The following GOLGA8M variants were observed in gnomAD, a reference collection of about 807,000 sequenced individuals.
The protein encoded by GOLGA8M is golgin A8 family member M, also known as golgin subfamily A member 8M.
In GOLGA8M, 34 loss-of-function variants were observed where a neutral mutation model predicts 87.7. That is an observed-to-expected ratio of 0.39 (90% CI 0.29 to 0.52). The LOEUF is 0.52. GOLGA8M is among the 20% of genes least tolerant of loss of function. GOLGA8M has a pLI of 0.80. For synonymous variants in GOLGA8M, 138 were observed against 250.2 expected (o/e 0.55, Z 4.23); for missense variants, 396 against 682.2 (o/e 0.58, Z 4.67).
chr15:28,698,880 T>C lies in GOLGA8M; in HGVS notation c.*3074A>G, dbSNP rs1214927607. Among the ~76,000 whole-genome samples, 1 of 142,992 alleles carries C rather than the reference T, an allele frequency of 7.0e-6. No individual in the cohort carries two copies. The highest frequency in any genetic ancestry group is 1.5e-5 in the Non-Finnish European group (1 of 67,680). 93.8% of individuals were successfully genotyped at this position (142,992 alleles called of 152,430 possible). Reference sequence around the variant, plus strand: ...TTTCCATTACACATTCTGTTTATAATAATTCATAAACTGGTAAAATTCATT... The same window carrying C: ...TTTCCATTACACATTCTGTTTATAACAATTCATAAACTGGTAAAATTCATT... On this transcript the variant is annotated 3_prime_UTR_variant, in exon 19 of 19. Transcript: ENST00000563027.
rs1369504451 is a variant in GOLGA8M at position 28,699,439 on chromosome 15, T to C, written c.*2515A>G. ...GTATCGCAAAAGACTGCATGCACTTTGGAGAAAGACTTGAGTTATTGTCAT... is the reference window on the plus strand; with the variant it reads ...GTATCGCAAAAGACTGCATGCACTTCGGAGAAAGACTTGAGTTATTGTCAT... On this transcript the variant is annotated 3_prime_UTR_variant, in exon 19 of 19. Coordinates refer to ENST00000563027, the MANE Select transcript of GOLGA8M (RefSeq NM_001282468.3). Among the ~76,000 whole-genome samples, 2 of 144,866 alleles carry C rather than the reference T, an allele frequency of 1.4e-5. 1 individual carries two copies. The highest frequency in any genetic ancestry group is 5.2e-5 in the African/African-American group (2 of 38,646).
Position 28,701,214 on chromosome 15 carries a change from A to C in GOLGA8M, c.*740T>G, listed in dbSNP as rs2079777033. Among the ~76,000 whole-genome samples, 1 of 151,924 alleles carries C rather than the reference A, an allele frequency of 6.6e-6. No homozygotes were observed. Among genetic ancestry groups the C allele is most frequent in the Admixed American group, 6.6e-5 (1 of 15,260 alleles). On this transcript the variant is annotated 3_prime_UTR_variant, in exon 19 of 19. Coordinates refer to ENST00000563027, the MANE Select transcript of GOLGA8M (RefSeq NM_001282468.3). ...TCTTCATGAGCCCAGAGCACATACA[A>C]ATCCTAAGGGCACCACCATAATACA...
intron 13 of GOLGA8M, among the ~76,000 whole-genome samples, chr15:28,704,596 A>C (rs1298262835): frequency 6.7e-6 from 1 of 148,300 alleles, no homozygotes; most frequent in Non-Finnish European, 1.5e-5. Flanking sequence ...TTTTGTTTTC[A>C]GACAAGAGTG....
chr15:28,712,639 G>A (rs912728101), upstream of GOLGA8M, among the ~76,000 whole-genome samples: 1 of 151,472 alleles, frequency 6.6e-6, no homozygotes, highest in African/African-American at 2.4e-5. Context: ...CACTCTGGAA[G>A]AGAAGAGGGG....
Position 28,702,535 on chromosome 15 carries a change from T to C in GOLGA8M, c.1497A>G (p.Pro499=), listed in dbSNP as rs1307889366. The C allele has an allele frequency of 1.2e-5, 19 of 1,602,212 alleles. No homozygotes were observed. Among genetic ancestry groups the C allele is most frequent in the Non-Finnish European group, 1.6e-5 (19 of 1,179,358 alleles). ...GTGCCGCATCTTTGGCACGGCCCCCTGGTTCTGATAAAAGGTGATGGATTT... is the reference window on the plus strand; with the variant it reads ...GTGCCGCATCTTTGGCACGGCCCCCCGGTTCTGATAAAAGGTGATGGATTT... ...HQKIHHLLSE[P]GGRAKDAALG... The change falls in exon 17 of 19, where the codon CCA becomes CCG. Residue 499 remains proline, a synonymous_variant. Transcript: ENST00000563027.
Position 28,707,798 on chromosome 15 carries a change from C to T in GOLGA8M, c.541G>A (p.Glu181Lys), listed in dbSNP as rs1345785026. The change falls in exon 8 of 19, where the codon GAG (glutamate) becomes AAG (lysine). Residue 181 changes from glutamate to lysine, a missense_variant. By Grantham distance (56) the Glu-to-Lys change is moderately conservative (BLOSUM62 1). Coordinates refer to ENST00000563027, the MANE Select transcript of GOLGA8M (RefSeq NM_001282468.3). ...GCCATGACATCAGAGAGAACACTCTCTAACTCTCCTTTACGCTGCAATGAA... is the reference window on the plus strand; with the variant it reads ...GCCATGACATCAGAGAGAACACTCTTTAACTCTCCTTTACGCTGCAATGAA... ...QHSLQRKGEL[E>K]SVLSDVMATQ... 2 of 1,575,264 alleles carry T rather than the reference C, an allele frequency of 1.3e-6. No individual in the cohort carries two copies. The highest frequency in any genetic ancestry group is 1.7e-6 in the Non-Finnish European group (2 of 1,172,182).
At position 28,700,910 on chromosome 15, in the gene GOLGA8M, C is replaced by G. The variant is rs1213762079; in HGVS notation, c.*1044G>C. On this transcript the variant is annotated 3_prime_UTR_variant, in exon 19 of 19. Coordinates refer to ENST00000563027, the MANE Select transcript of GOLGA8M (RefSeq NM_001282468.3). ...CTTGACTAGAGCCTGTATGCCTGTT[C>G]CAGGGACGTTTGAACTCATAAAGGA... Among the ~76,000 whole-genome samples the G allele has an allele frequency of 1.3e-5, 2 of 152,004 alleles. No individual in the cohort carries two copies. The highest frequency in any genetic ancestry group is 2.9e-5 in the Non-Finnish European group (2 of 68,008).
intron 13 of GOLGA8M, among the ~76,000 whole-genome samples, 179 bp from the exon 14 acceptor site, chr15:28,704,096 T>G (rs1318723108): frequency 3.4e-5 from 5 of 147,690 alleles, no homozygotes; most frequent in Non-Finnish European, 5.9e-5. Flanking sequence ...TCTGCTGCAG[T>G]CACTGCCTGT....
rs1470370456 is a variant in GOLGA8M at position 28,706,990 on chromosome 15, A to G, written c.592-291T>C. Among the ~76,000 whole-genome samples, 2 of 142,768 alleles carry G rather than the reference A, an allele frequency of 1.4e-5. 1 individual carries two copies. The highest frequency in any genetic ancestry group is 6.7e-4 in the East Asian group (2 of 2,988). 93.7% of individuals were successfully genotyped at this position (142,768 alleles called of 152,430 possible). A position where few individuals can be genotyped will look rare whatever the true frequency, so the allele number is the denominator to read the frequency against. ...ACCTTTGTGGAATGCTTCACCAGAT[A>G]CCATGCTAACAATCCCATTTAATCC... On this transcript the variant is annotated intron_variant, in intron 8 of 18. Transcript: ENST00000563027.
At position 28,702,930 on chromosome 15, in the gene GOLGA8M, T is replaced by C. The variant is rs201776258; in HGVS notation, c.1369-185A>G. 8.9e-5 allele frequency: 87 copies of C among 975,062 alleles called. 3 individuals are homozygous for C. The highest frequency in any genetic ancestry group is 2.7e-4 in the East Asian group (2 of 7,516). The allele number at this position is 975,062 out of a possible 1,614,324, so 60.4% of individuals were successfully genotyped here. A position where few individuals can be genotyped will look rare whatever the true frequency, so the allele number is the denominator to read the frequency against. On this transcript the variant is annotated intron_variant, in intron 15 of 18. Coordinates refer to ENST00000563027, the MANE Select transcript of GOLGA8M (RefSeq NM_001282468.3). ...GCCCTGGGGCTGCAGGGCCTCTGGC[T>C]GCCTCTGGCTCCTTCTGGGCCGAGG...
chr15:28,703,989 A>G (rs2079920560), intron 13 of GOLGA8M, 72 bp from the exon 14 acceptor site: 1 of 1,584,118 alleles, frequency 6.3e-7, no homozygotes, highest in African/African-American at 1.3e-5. Flanking sequence ...CATCCTCCGC[A>G]GCTCCCTCCC....
chr15:28,713,066 G>T (rs1252431835), upstream of GOLGA8M, among the ~76,000 whole-genome samples: 4 of 151,788 alleles, frequency 2.6e-5, no homozygotes, highest in African/African-American at 9.7e-5. Context: ...TGGGCCGGGT[G>T]CAGTGGCTCA....
chr15:28,711,742 G>C (rs1289346949), intron 1 of GOLGA8M: 1 of 985,096 alleles, frequency 1.0e-6, no homozygotes, highest in Non-Finnish European at 1.2e-6. Context: ...TCCTGGTCGG[G>C]GGGAGGGACC....
intron 8 of GOLGA8M, 66 bp downstream of exon 8, chr15:28,707,682 C>T (rs1196635733): frequency 3.7e-5 from 55 of 1,496,114 alleles, no homozygotes; most frequent in Non-Finnish European, 4.8e-5. Context: ...CAGAAGGGAC[C>T]TTTAGGCTCA....
chr15:28,711,661 A>C (rs894748235), intron 1 of GOLGA8M: 1 of 984,432 alleles, frequency 1.0e-6, no homozygotes, highest in African/African-American at 1.8e-5. Context: ...GGACTGGGTC[A>C]TAAGATCAAA....
Position 28,702,465 on chromosome 15 carries a change from C to T in GOLGA8M, c.1567G>A (p.Gly523Ser), listed in dbSNP as rs1433657548. ...CCCACAGAGATGTTGCACACCCTAC[C>T]TTCATCTCCTCCCTGAGCTCCAGCC... ...HQAGAQGGDE[G>S]EAAGAAADGI... Residue 523 changes from glycine to serine, a missense_variant and splice_region_variant, in exon 17 of 19, where the codon GGT (glycine) becomes AGT (serine). By Grantham distance (56) the Gly-to-Ser change is moderately conservative. Transcript: ENST00000563027. 1.9e-6 allele frequency: 3 copies of T among 1,539,036 alleles called. No homozygotes were observed. Among genetic ancestry groups the T allele is most frequent in the Admixed American group, 3.6e-5 (2 of 55,166 alleles).
Position 28,699,524 on chromosome 15 carries a change from G to T in GOLGA8M, c.*2430C>A, listed in dbSNP as rs1470176233. On this transcript the variant is annotated 3_prime_UTR_variant, in exon 19 of 19. Coordinates refer to ENST00000563027, the MANE Select transcript of GOLGA8M (RefSeq NM_001282468.3). Reference sequence around the variant, plus strand: ...TATGACAAATACCTATACAAAGAGTGGTATTTCAGTCAATATAGTAAATTT... The same window carrying T: ...TATGACAAATACCTATACAAAGAGTTGTATTTCAGTCAATATAGTAAATTT... Among the ~76,000 whole-genome samples, 1 of 143,090 alleles carries T rather than the reference G, an allele frequency of 7.0e-6. No individual in the cohort carries two copies. The highest frequency in any genetic ancestry group is 1.5e-5 in the Non-Finnish European group (1 of 67,606). 93.9% of individuals were successfully genotyped at this position (143,090 alleles called of 152,430 possible). A position where few individuals can be genotyped will look rare whatever the true frequency, so the allele number is the denominator to read the frequency against.
chr15:28,702,716 C>G lies in GOLGA8M; in HGVS notation c.1398G>C (p.Lys466Asn). The G allele has an allele frequency of 1.9e-6, 3 of 1,602,400 alleles. No individual in the cohort carries two copies. The highest frequency in any genetic ancestry group is 2.5e-6 in the Non-Finnish European group (3 of 1,179,654). The change falls in exon 16 of 19, where the codon AAG (lysine) becomes AAC (asparagine). Residue 466 changes from lysine to asparagine, a missense_variant. Around this residue, in one of 12 missense-constraint regions of GOLGA8M, gnomAD observed 173 missense variants for 150.2 expected, o/e 1.15. Transcript: ENST00000563027. The stretch of plus-strand genomic sequence containing the variant: ...TCTTCACAAGCTCACTCAGGTCTGC[C>G]TTCTCCTCCAGGTGGTCCATAAAGC... ...MSSFMDHLEE[K>N]ADLSELVKKQ...
chr15:28,703,944 G>A, intron 13 of GOLGA8M, 27 bp from the exon 14 acceptor site: 4 of 1,592,278 alleles, frequency 2.5e-6, no homozygotes, highest in Non-Finnish European at 3.4e-6. Context: ...GAGTGAGAAG[G>A]GATGGAGTTT....
Sources: gnomAD v4.1 joint callset for allele counts (sites outside exome capture counted in the v4.1 genomes callset) on GRCh38, gnomAD v4.1.1 for gene constraint, gnomAD v4.1.1 regional missense constraint, MANE v1.5 for transcripts, NCBI Gene and HGNC (gene_info 2026-07-23, HGNC 2026-07-21) for gene names.